Variants in CMTM4 observed in about 807,000 individuals in gnomAD.
CMTM4 encodes CKLF-like MARVEL transmembrane domain-containing protein 4.
Under a neutral mutation model 19.0 loss-of-function variants are expected in CMTM4, and 8 were observed. The observed-to-expected ratio is 0.42, with a 90% confidence interval of 0.25 to 0.76. CMTM4 has a LOEUF of 0.76. Among genes scored for constraint, CMTM4 ranks in the 30% least tolerant of loss-of-function variants. The pLI, the probability that CMTM4 is intolerant of heterozygous loss-of-function variation, is 0.27. For missense variants in CMTM4, 228 were observed against 290.2 expected (o/e 0.79, Z 1.56); for synonymous variants, 106 against 121.1 (o/e 0.88, Z 0.82).
intron 2 of CMTM4, among the ~76,000 whole-genome samples, chr16:66,628,399 G>A (rs758919847): frequency 5.9e-5 from 9 of 152,160 alleles, no homozygotes; most frequent in Non-Finnish European, 1.3e-4. Context: ...GACAATACCC[G>A]GCTTTCCAAG....
At chr16:66,612,447 C>T (rs937353547), downstream of CMTM4, among the ~76,000 whole-genome samples, 6 of 152,130 alleles carry the variant, frequency 3.9e-5, no homozygotes, top group East Asian at 3.9e-4. The surrounding 1 kb of genome is among the most constrained non-coding windows in gnomAD (Gnocchi z 6.0). Context: ...CTCAGGCCCG[C>T]GGCCTGCCCT....
At position 66,618,925 on chromosome 16, in the gene CMTM4, A is replaced by G. The variant is rs2015576749; in HGVS notation, c.*3133T>C. 1 of 985,366 alleles carries G rather than the reference A, an allele frequency of 1.0e-6. No individual in the cohort carries two copies. Among genetic ancestry groups the G allele is most frequent in the South Asian group, 4.7e-5 (1 of 21,298 alleles). 61.0% of individuals were successfully genotyped at this position (985,366 alleles called of 1,614,324 possible). ...GGCCAAGCGCTCAGAGCTGGGCCGG[A>G]CTTGCCCATGCTGGCTTCAGCTCAC... On this transcript the variant is annotated 3_prime_UTR_variant, in exon 4 of 4. Coordinates refer to ENST00000394106, the MANE Select transcript of CMTM4 (RefSeq NM_181521.3).
chr16:66,609,109 A>G, the CMTM4 span, among the ~76,000 whole-genome samples: 4 of 152,140 alleles, frequency 2.6e-5, no homozygotes, highest in Non-Finnish European at 5.9e-5. This position sits in a 1 kb window ranked among gnomAD's most constrained non-coding sequence, Gnocchi z 4.4. Flanking sequence ...CCCAATGGAG[A>G]GCGGGAAGGG....
At chr16:66,683,181 GTATA>G (rs1555502520) in intron 1 of CMTM4, among the ~76,000 whole-genome samples, 2 of 124,440 alleles carry the variant, frequency 1.6e-5, no homozygotes, top group Non-Finnish European at 3.2e-5. Flanking sequence ...ATATACATAT[GTATA>G]TATATATACA....
chr16:66,617,407 G>GA lies in CMTM4; in HGVS notation c.*4650dup. On this transcript the variant is annotated 3_prime_UTR_variant, in exon 4 of 4. Coordinates refer to ENST00000394106, the MANE Select transcript of CMTM4 (RefSeq NM_181521.3). ...AAGGTTGAAAAACTGTATCCAAATG[G>GA]AAAAAGAATATATTCCAGACAAAAG... 1.3e-6 allele frequency: 2 copies of GA among 1,590,726 alleles called. No individual in the cohort carries two copies. Among genetic ancestry groups the GA allele is most frequent in the Non-Finnish European group, 8.6e-7 (1 of 1,167,318 alleles).
At chr16:66,656,215 C>A (rs2016395211) in intron 1 of CMTM4, among the ~76,000 whole-genome samples, 1 of 152,128 alleles carries the variant, frequency 6.6e-6, no homozygotes, top group African/African-American at 2.4e-5. Context: ...GAAGGAAAAA[C>A]TCTTTCCTAC....
intron 1 of CMTM4, among the ~76,000 whole-genome samples, chr16:66,640,119 T>C (rs901933944): frequency 1.3e-5 from 2 of 151,256 alleles, no homozygotes; most frequent in African/African-American, 2.4e-5. Flanking sequence ...AGGTCAGGAG[T>C]TCGAGATCAG....
At chr16:66,662,013 C>T (rs924263965) in intron 1 of CMTM4, among the ~76,000 whole-genome samples, 2 of 152,008 alleles carry the variant, frequency 1.3e-5, no homozygotes, top group Admixed American at 6.6e-5. Flanking sequence ...ACCATGCCAC[C>T]GTGATTCATC....
chr16:66,619,277 GA>G lies in CMTM4; in HGVS notation c.*2780del. The stretch of plus-strand genomic sequence containing the variant: ...AGTGCCAAAATAAACTTTCTCTGAG[GA>G]CATCAGTGTTTGCATCCATCTAAAA... On this transcript the variant is annotated 3_prime_UTR_variant, in exon 4 of 4. Transcript: ENST00000394106. 1.0e-6 allele frequency: 1 copy of G among 985,426 alleles called. No individual in the cohort carries two copies. Among genetic ancestry groups the G allele is most frequent in the Non-Finnish European group, 1.2e-6 (1 of 829,954 alleles). The allele number at this position is 985,426 out of a possible 1,614,324, so 61.0% of individuals were successfully genotyped here.
rs1269109507 is a variant in CMTM4 at position 66,616,555 on chromosome 16, G to A, written c.*5503C>T. 6.6e-6 allele frequency: 1 copy of A among 152,242 alleles called. No homozygotes were observed. The highest frequency in any genetic ancestry group is 1.5e-5 in the Non-Finnish European group (1 of 68,044). 9.4% of individuals were successfully genotyped at this position (152,242 alleles called of 1,614,324 possible). A position where few individuals can be genotyped will look rare whatever the true frequency, so the allele number is the denominator to read the frequency against. ...CCTTTGGGCCTGGGTCAGCCTACGAGTCCATCCCAGGTGTCCTGCCCTCAC... is the reference window on the plus strand; with the variant it reads ...CCTTTGGGCCTGGGTCAGCCTACGAATCCATCCCAGGTGTCCTGCCCTCAC... On this transcript the variant is annotated 3_prime_UTR_variant, in exon 4 of 4. Transcript: ENST00000394106.
intron 2 of CMTM4, among the ~76,000 whole-genome samples, chr16:66,633,092 TATATATATAAATATATATATATATAA>T (rs2015908644): frequency 1.9e-5 from 1 of 51,806 alleles, no homozygotes; most frequent in South Asian, 7.7e-4. Flanking sequence ...TTTCAAAATA[TATATATATAAATATATATATATATAA>T]ATATATATAT....
chr16:66,691,753 T>C (rs1405452481), intron 1 of CMTM4, among the ~76,000 whole-genome samples: 6 of 152,224 alleles, frequency 3.9e-5, no homozygotes, highest in African/African-American at 1.2e-4. Context: ...AATTTTTTCA[T>C]AATGTTTCAG....
intron 1 of CMTM4, among the ~76,000 whole-genome samples, chr16:66,692,888 C>T (rs2017161651): frequency 7.0e-6 from 1 of 142,992 alleles, no homozygotes; most frequent in Non-Finnish European, 1.5e-5. Flanking sequence ...GCCTGGGTGA[C>T]AGAGCAAGAC....
At chr16:66,604,596 C>A in the CMTM4 span, 1 of 337,750 alleles carries the variant, frequency 3.0e-6, no homozygotes, top group Non-Finnish European at 5.0e-6. Flanking sequence ...GGGGGCGGGT[C>A]GGGCCCAGCA....
chr16:66,692,097 GTTTTT>G (rs963535590), intron 1 of CMTM4, among the ~76,000 whole-genome samples: 1 of 146,128 alleles, frequency 6.8e-6, no homozygotes, highest in Non-Finnish European at 1.5e-5. Context: ...AGGTTTTGTT[GTTTTT>G]TTTTTTGAGA....
In CMTM4 at chr16:66,670,585, A is replaced by C. The variant is rs937001250; in HGVS notation, c.186+25755T>G. ...GGGAGGCCGAGGTAGGCGGATCACGAGGTCAAGAGACTGAGACCATCCTGG... is the reference window on the plus strand; with the variant it reads ...GGGAGGCCGAGGTAGGCGGATCACGCGGTCAAGAGACTGAGACCATCCTGG... On this transcript the variant is annotated intron_variant, in intron 1 of 3. Coordinates refer to ENST00000394106, the MANE Select transcript of CMTM4 (RefSeq NM_181521.3). 4.6e-5 allele frequency among the ~76,000 whole-genome samples: 7 copies of C among 152,096 alleles called. No individual in the cohort carries two copies. The East Asian group carries it at 9.6e-4, about 21-fold the overall frequency.
intron 1 of CMTM4, among the ~76,000 whole-genome samples, chr16:66,677,522 G>A (rs1169389934): frequency 2.0e-5 from 3 of 152,216 alleles, no homozygotes; most frequent in Non-Finnish European, 4.4e-5. Context: ...GCTAAATTAA[G>A]CGCCCATGGA....
chr16:66,666,915 T>TGGAG (rs1235014760), intron 1 of CMTM4, among the ~76,000 whole-genome samples: 1 of 152,138 alleles, frequency 6.6e-6, no homozygotes, highest in African/African-American at 2.4e-5. Flanking sequence ...TCTGATTACT[T>TGGAG]GGAGGGAGGG....
intron 1 of CMTM4, among the ~76,000 whole-genome samples, chr16:66,676,307 C>T (rs1041928735): frequency 3.9e-5 from 6 of 152,172 alleles, no homozygotes; most frequent in African/African-American, 1.2e-4. Flanking sequence ...TTCCAAAAAA[C>T]GCCTAAGGCT....
Sources: allele counts gnomAD v4.1 joint callset (sites outside exome capture counted in the v4.1 genomes callset), GRCh38; gene constraint gnomAD v4.1.1; non-coding constraint Gnocchi (gnomAD v3.1); transcripts MANE v1.5; gene names NCBI Gene and HGNC (gene_info 2026-07-23, HGNC 2026-07-21).